The following CYBC1 variants were observed in gnomAD, a reference collection of about 807,000 sequenced individuals.
CYBC1 encodes cytochrome b-245 chaperone 1.
Under a neutral mutation model 21.7 loss-of-function variants are expected in CYBC1, and 22 were observed. The observed-to-expected ratio is 1.02, with a 90% CI of 0.73 to 1.45. The LOEUF is 1.45. CYBC1 is among the 40% of genes most tolerant of loss of function. The probability of loss-of-function intolerance (pLI) is 0.00; values close to 1 mark genes in which losing one functional copy is unlikely to be tolerated. For missense variants in CYBC1, 237 were observed against 242.1 expected (o/e 0.98, Z 0.14); for synonymous variants, 112 against 98.7 (o/e 1.13, Z -0.80).
At chr17:82,447,810 T>C (rs1442195625) in intron 2 of CYBC1, 189 bp from the exon 3 acceptor site, 6 of 649,744 alleles carry the variant, frequency 9.2e-6, no homozygotes, top group Admixed American at 5.5e-5. Flanking sequence ...AATAATGCAG[T>C]ATAGCTGGGC....
At chr17:82,447,670 C>A (rs780036978) in intron 2 of CYBC1, 49 bp from the exon 3 acceptor site, 24 of 1,534,436 alleles carry the variant, frequency 1.6e-5, no homozygotes, top group Non-Finnish European at 2.0e-5. Flanking sequence ...TAAGACCCCA[C>A]CTCCCTGGTG....
In CYBC1 at chr17:82,442,600, G is replaced by C. The variant is rs751505251; in HGVS notation, c.*1404C>G. 3.5e-5 allele frequency: 55 copies of C among 1,556,658 alleles called. No individual in the cohort carries two copies. The highest frequency in any genetic ancestry group is 4.5e-5 in the Non-Finnish European group (52 of 1,144,668). On this transcript the variant is annotated 3_prime_UTR_variant, in exon 7 of 7. Coordinates refer to ENST00000306645, the MANE Select transcript of CYBC1 (RefSeq NM_001033046.4). The surrounding 1 kb of genome is among the most constrained non-coding windows in gnomAD (Gnocchi z 6.8). ...GGGAGACCCGCTTTGTGATCTGCAT[G>C]TGTGACACTGATTCTTTGGAAATAA...
intron 6 of CYBC1, 155 bp from the exon 7 acceptor site, chr17:82,444,279 G>A (rs1425855658): frequency 3.5e-6 from 5 of 1,422,104 alleles, no homozygotes; most frequent in African/African-American, 1.4e-5. Flanking sequence ...CAGCCTCCCC[G>A]TCACAGTGGG....
Position 82,443,986 on chromosome 17 carries a change from T to G in CYBC1, c.*18A>C, listed in dbSNP as rs776667927. On this transcript the variant is annotated 3_prime_UTR_variant, in exon 7 of 7. Transcript: ENST00000306645. This position sits in a 1 kb window ranked among gnomAD's most constrained non-coding sequence, Gnocchi z 6.7. ...TGGGTCCTGTGGGCGGTGCACGGGC[T>G]CAGGCACAGTGGGGCTGTCAGCTCT... 1 of 1,611,058 alleles carries G rather than the reference T, an allele frequency of 6.2e-7. No individual in the cohort carries two copies. The highest frequency in any genetic ancestry group is 1.1e-5 in the South Asian group (1 of 91,036).
rs779268315 is a variant in CYBC1, at chr17:82,445,867, G to C, written c.295C>G (p.Gln99Glu). The C allele has an allele frequency of 1.2e-6, 2 of 1,608,176 alleles. No homozygotes were observed. Among genetic ancestry groups the C allele is most frequent in the African/African-American group, 2.7e-5 (2 of 74,814 alleles). ...LLTLFRAGHD[Q>E]VVVLLHDVRD... Reference sequence around the variant, plus strand: ...CCCCACGCTCCCCACGACTCACCCTGGTCGTGGCCAGCTCTGAAAAGAGTC... The same window carrying C: ...CCCCACGCTCCCCACGACTCACCCTCGTCGTGGCCAGCTCTGAAAAGAGTC... Residue 99 changes from glutamine (Q) to glutamate (E), a missense_variant, in exon 5 of 7, where the codon CAG (glutamine) becomes GAG (glutamate). By Grantham distance (29) the Gln-to-Glu change is conservative. Transcript: ENST00000306645.
Position 82,449,310 on chromosome 17 carries a change from C to A in CYBC1, c.-38-18G>T. ...GGAGGGGTCTGGGAACAGACAGAGG[C>A]AGCTGAGCCCTTGGGCCTGCACACA... On this transcript the variant is annotated intron_variant, in intron 1 of 6. Transcript: ENST00000306645. 7.1e-7 allele frequency: 1 copy of A among 1,415,186 alleles called. No individual in the cohort carries two copies. The highest frequency in any genetic ancestry group is 1.4e-5 in the South Asian group (1 of 73,520). 87.7% of individuals were successfully genotyped at this position (1,415,186 alleles called of 1,614,324 possible).
chr17:82,443,208 G>A lies in CYBC1; in HGVS notation c.*796C>T. 3.3e-6 allele frequency: 1 copy of A among 306,524 alleles called. No homozygotes were observed. Among genetic ancestry groups the A allele is most frequent in the South Asian group, 2.9e-5 (1 of 34,132 alleles). The allele number at this position is 306,524 out of a possible 1,614,324, so 19.0% of individuals were successfully genotyped here. A position where few individuals can be genotyped will look rare whatever the true frequency, so the allele number is the denominator to read the frequency against. On this transcript the variant is annotated 3_prime_UTR_variant, in exon 7 of 7. Transcript: ENST00000306645. This position sits in a 1 kb window ranked among gnomAD's most constrained non-coding sequence, Gnocchi z 6.7. Reference sequence around the variant, plus strand: ...TTACTGGCATGAACCACTGCGCCCGGCTGGAGCTCCCGGTTTTTAAGCACT... The same window carrying A: ...TTACTGGCATGAACCACTGCGCCCGACTGGAGCTCCCGGTTTTTAAGCACT...
chr17:82,448,888 C>T (rs967372413), intron 2 of CYBC1: 45 of 420,298 alleles, frequency 1.1e-4, no homozygotes, highest in Admixed American at 3.2e-4. Flanking sequence ...TCACCCATCA[C>T]GTGGTTCAAA....
Position 82,446,647 on chromosome 17 carries a change from A to G in CYBC1, c.177T>C (p.Ala59=), listed in dbSNP as rs1465378280. The change falls in exon 4 of 7, where the codon GCT becomes GCC. Residue 59 remains alanine (A), a synonymous_variant. Coordinates refer to ENST00000306645, the MANE Select transcript of CYBC1 (RefSeq NM_001033046.4). ...LFYVTGCLFV[A]VQNLEDWEEA... is the part of the protein sequence containing the mutation. ...CCTCCCAGTCCTCCAAGTTCTGCAC[A>G]GCCACAAACAGGCAGCCTGTGACGT... 6.2e-7 allele frequency: 1 copy of G among 1,614,152 alleles called. No individual in the cohort carries two copies. The highest frequency in any genetic ancestry group is 8.5e-7 in the Non-Finnish European group (1 of 1,180,024).
chr17:82,443,801 C>G lies in CYBC1; in HGVS notation c.*203G>C, dbSNP rs1012915914. 1 of 823,058 alleles carries G rather than the reference C, an allele frequency of 1.2e-6. No homozygotes were observed. Among genetic ancestry groups the G allele is most frequent in the Non-Finnish European group, 2.1e-6 (1 of 472,814 alleles). The allele number at this position is 823,058 out of a possible 1,614,324, so 51.0% of individuals were successfully genotyped here. A position where few individuals can be genotyped will look rare whatever the true frequency, so the allele number is the denominator to read the frequency against. ...TGTGGGCGGTGCACGGGCTCAGGCA[C>G]ACCGGGAATGTGCCACGGGTCCTGT... On this transcript the variant is annotated 3_prime_UTR_variant, in exon 7 of 7. Coordinates refer to ENST00000306645, the MANE Select transcript of CYBC1 (RefSeq NM_001033046.4). This position sits in a 1 kb window ranked among gnomAD's most constrained non-coding sequence, Gnocchi z 6.7.
At position 82,444,007 on chromosome 17, in the gene CYBC1, G is replaced by A. The variant is rs2054116580; in HGVS notation, c.561C>T (p.Ser187=). The A allele has an allele frequency of 6.2e-7, 1 of 1,612,480 alleles. No homozygotes were observed. The highest frequency in any genetic ancestry group is 8.5e-7 in the Non-Finnish European group (1 of 1,179,970). ...GGGCTCAGGCACAGTGGGGCTGTCA[G>A]CTCTGGCTTGCAGGGTCACCGGCCT... ...DSEAGDPASQ[S] The change falls in exon 7 of 7, where the codon AGC becomes AGT. Residue 187 remains serine (S), a synonymous_variant. Coordinates refer to ENST00000306645, the MANE Select transcript of CYBC1 (RefSeq NM_001033046.4).
intron 5 of CYBC1, 167 bp from the exon 6 acceptor site, chr17:82,444,758 G>A: frequency 1.2e-6 from 1 of 855,176 alleles, no homozygotes; most frequent in South Asian, 1.7e-5. Context: ...CTGTGGCCCT[G>A]AAGGCAGTGC....
At chr17:82,449,526 C>T (rs1043306868) in intron 1 of CYBC1, 3 of 388,854 alleles carry the variant, frequency 7.7e-6, no homozygotes, top group Non-Finnish European at 1.4e-5. Context: ...ACCGACTGCG[C>T]GGGGGCTGTT....
At chr17:82,449,093 T>C in intron 2 of CYBC1, 77 bp downstream of exon 2, 2 of 1,129,110 alleles carry the variant, frequency 1.8e-6, no homozygotes, top group Admixed American at 3.0e-5. Flanking sequence ...AGAGAAAATA[T>C]TTTGTTTCAT....
In CYBC1 at chr17:82,443,483, G is replaced by A. The variant is rs536982962; in HGVS notation, c.*521C>T. 2 of 689,646 alleles carry A rather than the reference G, an allele frequency of 2.9e-6. No individual in the cohort carries two copies. The highest frequency in any genetic ancestry group is 1.8e-5 in the African/African-American group (1 of 57,142). 42.7% of individuals were successfully genotyped at this position (689,646 alleles called of 1,614,324 possible). On this transcript the variant is annotated 3_prime_UTR_variant, in exon 7 of 7. Coordinates refer to ENST00000306645, the MANE Select transcript of CYBC1 (RefSeq NM_001033046.4). The surrounding 1 kb of genome is among the most constrained non-coding windows in gnomAD (Gnocchi z 6.7). ...CCTTGGGGAAGCACCTGACCGCTGG[G>A]GATGTCCACCAGGGAGAGGACGCTG...
At position 82,444,433 on chromosome 17, in the gene CYBC1, TC is replaced by T. The variant is rs759041429; in HGVS notation, c.443+13del. Reference sequence around the variant, plus strand: ...GGCTGCAGCTCCGGCCAGATCAAAGTCCCACAGCCTTACCTGCGGTGGCCCA... The same window carrying T: ...GGCTGCAGCTCCGGCCAGATCAAAGTCCACAGCCTTACCTGCGGTGGCCCA... On this transcript the variant is annotated intron_variant, in intron 6 of 6. Coordinates refer to ENST00000306645, the MANE Select transcript of CYBC1 (RefSeq NM_001033046.4). 1 of 1,594,160 alleles carries T rather than the reference TC, an allele frequency of 6.3e-7. No individual in the cohort carries two copies. The highest frequency in any genetic ancestry group is 1.1e-5 in the South Asian group (1 of 89,438).
chr17:82,448,973 A>G (rs186167136), intron 2 of CYBC1, 197 bp downstream of exon 2: 1 of 565,862 alleles, frequency 1.8e-6, no homozygotes, highest in East Asian at 3.1e-5. Context: ...GTTAGTGATT[A>G]AAAGGGGACA....
rs755945461 is a variant in CYBC1 at position 82,449,190 on chromosome 17, C to T, written c.65G>A (p.Arg22Gln). 1.9e-5 allele frequency: 30 copies of T among 1,580,606 alleles called. No homozygotes were observed. The South Asian group carries it at 2.3e-4, about 12-fold the overall frequency. ...CTTACCAACCAGCAGGGACCAGGACCGGATGCCTGGAGCCCTCTTCAGATG... is the reference window on the plus strand; with the variant it reads ...CTTACCAACCAGCAGGGACCAGGACTGGATGCCTGGAGCCCTCTTCAGATG... ...RLHLKRAPGI[R>Q]SWSLLVGILS... The change falls in exon 2 of 7, where the codon CGG becomes CAG. Residue 22 changes from arginine (R) to glutamine (Q), a missense_variant. Arg to Gln is a conservative substitution (Grantham distance 43). Transcript: ENST00000306645.
intron 6 of CYBC1, 54 bp downstream of exon 6, chr17:82,444,393 G>A: frequency 4.5e-6 from 7 of 1,562,784 alleles, no homozygotes; most frequent in Non-Finnish European, 6.1e-6. Context: ...GTCAGGAACG[G>A]GAGTGACCTG....
Sources: allele counts gnomAD v4.1 joint callset, GRCh38; gene constraint gnomAD v4.1.1; non-coding constraint Gnocchi (gnomAD v3.1); transcripts MANE v1.5; gene names NCBI Gene and HGNC (gene_info 2026-07-23, HGNC 2026-07-21).